The following DACH1 variants were observed in gnomAD, a reference collection of about 807,000 sequenced individuals.
DACH1 encodes dachshund family transcription factor 1, also known as dachshund homolog 1.
DACH1 carries 12 observed loss-of-function variants against 54.2 expected under a neutral mutation model. That is an observed-to-expected ratio of 0.22 (90% CI 0.14 to 0.36). The LOEUF (loss-of-function observed/expected upper bound fraction) is 0.36, where lower values mean the gene tolerates loss of function less well. DACH1 is among the 10% of genes least tolerant of loss of function. DACH1 has a pLI of 1.00. For synonymous variants in DACH1, 386 were observed against 366.2 expected (o/e 1.05, Z -0.62); for missense variants, 805 against 929.8 (o/e 0.87, Z 1.75).
intron 2 of DACH1, among the ~76,000 whole-genome samples, chr13:71,633,071 T>C (rs1262765310): frequency 2.0e-5 from 3 of 152,200 alleles, no homozygotes; most frequent in East Asian, 1.9e-4. Flanking sequence ...TCAAAAGTCT[T>C]TGTCTTGGAT....
At chr13:71,691,360 A>C (rs1026485672) in intron 1 of DACH1, among the ~76,000 whole-genome samples, 3 of 152,236 alleles carry the variant, frequency 2.0e-5, no homozygotes, top group African/African-American at 7.2e-5. Context: ...GGATTGTGCT[A>C]AATTCACTAT....
intron 2 of DACH1, among the ~76,000 whole-genome samples, chr13:71,647,049 G>A (rs1307579974): frequency 6.6e-6 from 1 of 152,184 alleles, no homozygotes; most frequent in Non-Finnish European, 1.5e-5. Flanking sequence ...CATACATTTA[G>A]ACAACAGACT....
intron 2 of DACH1, among the ~76,000 whole-genome samples, chr13:71,657,609 T>A (rs958645296): frequency 2.0e-5 from 3 of 152,020 alleles, no homozygotes; most frequent in Non-Finnish European, 4.4e-5. Context: ...TTTTTATTCT[T>A]TTTCACAATT....
At chr13:71,708,939 G>C (rs1367818216) in intron 1 of DACH1, among the ~76,000 whole-genome samples, 1 of 145,310 alleles carries the variant, frequency 6.9e-6, no homozygotes, top group East Asian at 2.0e-4. Flanking sequence ...TGCAAGCTCA[G>C]CCTCCCGGGT....
intron 6 of DACH1, among the ~76,000 whole-genome samples, chr13:71,516,974 A>C (rs1881208934): frequency 6.6e-6 from 1 of 151,696 alleles, no homozygotes; most frequent in African/African-American, 2.4e-5. Flanking sequence ...CATTATAAAT[A>C]CATGAGTATA....
intron 1 of DACH1, among the ~76,000 whole-genome samples, chr13:71,816,288 CA>C (rs1887918691): frequency 6.6e-6 from 1 of 151,914 alleles, no homozygotes; most frequent in Admixed American, 6.6e-5. Flanking sequence ...GCTGTTAGAT[CA>C]GGGGCATGTG....
intron 10 of DACH1, among the ~76,000 whole-genome samples, chr13:71,450,835 C>A (rs1214389505): frequency 1.3e-5 from 2 of 152,128 alleles, no homozygotes; most frequent in African/African-American, 4.8e-5. Flanking sequence ...TAAGCCACAA[C>A]CTCATCCAGA....
chr13:71,768,974 A>G (rs961270560), intron 1 of DACH1, among the ~76,000 whole-genome samples: 3 of 151,788 alleles, frequency 2.0e-5, no homozygotes, highest in African/African-American at 7.2e-5. Flanking sequence ...TTATCTTGAC[A>G]TGGAAATAAA....
intron 3 of DACH1, among the ~76,000 whole-genome samples, chr13:71,575,178 G>A (rs189792601): frequency 2.0e-5 from 3 of 151,776 alleles, no homozygotes; most frequent in South Asian, 2.1e-4. Flanking sequence ...ACTGACTATC[G>A]GGATATAGAA....
chr13:71,449,624 T>C (rs1300003969), intron 10 of DACH1, among the ~76,000 whole-genome samples: 1 of 152,064 alleles, frequency 6.6e-6, no homozygotes, highest in Admixed American at 6.5e-5. Context: ...CAAACCACCA[T>C]GGCATATGTA....
chr13:71,548,022 G>T (rs1326311314), intron 6 of DACH1, among the ~76,000 whole-genome samples: 1 of 152,140 alleles, frequency 6.6e-6, no homozygotes, highest in East Asian at 1.9e-4. Flanking sequence ...GTATGCAGGG[G>T]TATACGTGTG....
intron 1 of DACH1, among the ~76,000 whole-genome samples, chr13:71,841,053 T>A (rs1212481306): frequency 1.3e-5 from 2 of 152,164 alleles, no homozygotes; most frequent in Non-Finnish European, 2.9e-5. Flanking sequence ...GAAGAGGATA[T>A]TCATTTTCCT....
intron 1 of DACH1, among the ~76,000 whole-genome samples, chr13:71,826,493 T>A (rs964250629): frequency 6.6e-5 from 10 of 151,986 alleles, no homozygotes; most frequent in African/African-American, 2.2e-4. Context: ...CTAGATGGCA[T>A]TCCTAGGAAC....
At chr13:71,737,864 A>G (rs1408661336) in intron 1 of DACH1, among the ~76,000 whole-genome samples, 3 of 152,244 alleles carry the variant, frequency 2.0e-5, no homozygotes, top group Non-Finnish European at 4.4e-5. Context: ...CAAAGTCTCT[A>G]TTAAAAATGA....
At chr13:71,689,435 T>A (rs2138719641) in intron 1 of DACH1, among the ~76,000 whole-genome samples, 1 of 152,250 alleles carries the variant, frequency 6.6e-6, no homozygotes, top group Middle Eastern at 3.4e-3. Flanking sequence ...ACTTGAAACA[T>A]TTTACTCTCT....
In DACH1 at chr13:71,649,393, T is replaced by C. The variant is rs577518339; in HGVS notation, c.965-18676A>G. Among the ~76,000 whole-genome samples the C allele has an allele frequency of 2.6e-5, 4 of 152,254 alleles. No homozygotes were observed. The South Asian group carries it at 8.3e-4, about 32-fold the overall frequency. On this transcript the variant is annotated intron_variant, in intron 2 of 10. Transcript: ENST00000613252. ...TACCACATTTTAAAATTGTGTAAAA[T>C]TTGGATCTACAGCTTACTAAGGGAC...
At chr13:71,811,188 T>C (rs190527993) in intron 1 of DACH1, among the ~76,000 whole-genome samples, 9 of 152,278 alleles carry the variant, frequency 5.9e-5, no homozygotes, top group African/African-American at 1.9e-4. Flanking sequence ...ATTTAGATTA[T>C]AGATTCCTTT....
At chr13:71,605,681 G>A (rs1874827072) in intron 3 of DACH1, among the ~76,000 whole-genome samples, 1 of 151,888 alleles carries the variant, frequency 6.6e-6, no homozygotes, top group African/African-American at 2.4e-5. Flanking sequence ...TTATGATATT[G>A]TGAAAAATGA....
chr13:71,535,375 C>T (rs1882700279), intron 6 of DACH1, among the ~76,000 whole-genome samples: 2 of 151,752 alleles, frequency 1.3e-5, no homozygotes, highest in South Asian at 4.2e-4. Context: ...AATAATGTAT[C>T]ATTAAGATTT....
Sources: allele counts gnomAD v4.1 joint callset (sites outside exome capture counted in the v4.1 genomes callset), GRCh38; gene constraint gnomAD v4.1.1; transcripts MANE v1.5; gene names NCBI Gene and HGNC (gene_info 2026-07-23, HGNC 2026-07-21).